Variants in LMAN2 observed in about 807,000 individuals in gnomAD.
LMAN2 encodes lectin, mannose binding 2.
LMAN2 carries 22 observed loss-of-function variants against 39.3 expected under a neutral mutation model. The observed-to-expected ratio is 0.56, with a 90% CI of 0.40 to 0.80. LMAN2 has a LOEUF of 0.80. LMAN2 is among the 30% of genes least tolerant of loss of function. The pLI, the probability that LMAN2 is intolerant of heterozygous loss-of-function variation, is 0.00. For synonymous variants in LMAN2, 207 were observed against 207.8 expected, an observed-to-expected ratio of 1.00 and a Z score of 0.03; for missense variants, 494 against 505.4, an observed-to-expected ratio of 0.98 and a Z score of 0.22.
chr5:177,335,233 C>T (rs536580843), intron 6 of LMAN2, among the ~76,000 whole-genome samples: 68 of 152,328 alleles, frequency 4.5e-4, no homozygotes, highest in African/African-American at 1.5e-3. Flanking sequence ...AGACGGCGAG[C>T]GGCCCTGCAG....
intron 2 of LMAN2, among the ~76,000 whole-genome samples, chr5:177,340,525 C>G (rs1761534918): frequency 6.6e-6 from 1 of 152,134 alleles, no homozygotes; most frequent in Admixed American, 6.5e-5. Flanking sequence ...CGCCTGTAAT[C>G]TCAGCACTTT....
At chr5:177,341,255 G>A (rs180868491) in intron 2 of LMAN2, among the ~76,000 whole-genome samples, 93 of 151,314 alleles carry the variant, frequency 6.1e-4, no homozygotes, top group Admixed American at 2.9e-3. Context: ...TAGTAGAGAC[G>A]GGGTTTCTCC....
chr5:177,335,605 G>T (rs1367325637), intron 6 of LMAN2, among the ~76,000 whole-genome samples: 2 of 152,220 alleles, frequency 1.3e-5, no homozygotes, highest in Admixed American at 6.5e-5. Flanking sequence ...GCAACCCGGG[G>T]CAGGAGGGAA....
chr5:177,343,114 G>A (rs1390812959), intron 2 of LMAN2, among the ~76,000 whole-genome samples: 1 of 152,062 alleles, frequency 6.6e-6, no homozygotes, highest in Non-Finnish European at 1.5e-5. Flanking sequence ...AATTAACTGG[G>A]CATGGTGGCA....
intron 2 of LMAN2, among the ~76,000 whole-genome samples, chr5:177,345,339 T>TAAAAAAAA (rs10639580): frequency 5.7e-5 from 3 of 52,412 alleles, no homozygotes; most frequent in Non-Finnish European, 1.1e-4. Flanking sequence ...AGACCCTGTC[T>TAAAAAAAA]AAAAAAAAAA....
intron 2 of LMAN2, among the ~76,000 whole-genome samples, chr5:177,340,960 T>C (rs1270428860): frequency 4.6e-5 from 7 of 151,746 alleles, no homozygotes; most frequent in Non-Finnish European, 1.0e-4. Flanking sequence ...TTTCACCGTG[T>C]TAGCCAGGAT....
intron 7 of LMAN2, among the ~76,000 whole-genome samples, chr5:177,333,387 G>A (rs1313711722): frequency 6.6e-6 from 1 of 152,266 alleles, no homozygotes; most frequent in Non-Finnish European, 1.5e-5. Flanking sequence ...GGGATGCTGG[G>A]TGGGCAAGGC....
Position 177,335,069 on chromosome 5 carries a change from C to T in LMAN2, c.791-666G>A, listed in dbSNP as rs561159427. Reference sequence around the variant, plus strand: ...TTGTAGAGATGAGGAGGCTGAGGCTCAAAGCCGACACGTGGGTCCTGGTCA... The same window carrying T: ...TTGTAGAGATGAGGAGGCTGAGGCTTAAAGCCGACACGTGGGTCCTGGTCA... On this transcript the variant is annotated intron_variant, in intron 6 of 7. Coordinates refer to ENST00000303127, the MANE Select transcript of LMAN2 (RefSeq NM_006816.3). Among the ~76,000 whole-genome samples, 7 of 152,328 alleles carry T rather than the reference C, an allele frequency of 4.6e-5. No homozygotes were observed. The South Asian group carries it at 8.3e-4, about 18-fold the overall frequency.
chr5:177,339,942 G>T (rs1561605071), intron 2 of LMAN2, among the ~76,000 whole-genome samples: 1 of 152,012 alleles, frequency 6.6e-6, no homozygotes, highest in Non-Finnish European at 1.5e-5. Flanking sequence ...ACAAAACCTA[G>T]GCCGAGTCCC....
chr5:177,337,849 A>C lies in LMAN2; in HGVS notation c.434-64T>G. ...AGGAGCCGTCCCATGGGTACCTAAA[A>C]GGCAAGCAATGCCAACATGGGTGGG... On this transcript the variant is annotated intron_variant, in intron 3 of 7. Coordinates refer to ENST00000303127, the MANE Select transcript of LMAN2 (RefSeq NM_006816.3). The surrounding 1 kb of genome is among the most constrained non-coding windows in gnomAD (Gnocchi z 8.2). 3 of 1,470,286 alleles carry C rather than the reference A, an allele frequency of 2.0e-6. No individual in the cohort carries two copies. The Admixed American group carries it at 5.5e-5, about 27-fold the overall frequency. The allele number at this position is 1,470,286 out of a possible 1,614,324, so 91.1% of individuals were successfully genotyped here.
intron 2 of LMAN2, among the ~76,000 whole-genome samples, chr5:177,348,691 A>G (rs1761675047): frequency 2.0e-5 from 3 of 147,280 alleles, no homozygotes; most frequent in African/African-American, 7.6e-5. Context: ...CTGTCTCAAA[A>G]AAAAAAAAAA....
Position 177,334,383 on chromosome 5 carries a change from T to G in LMAN2, c.811A>C (p.Met271Leu). The G allele has an allele frequency of 6.2e-7, 1 of 1,613,412 alleles. No individual in the cohort carries two copies. The highest frequency in any genetic ancestry group is 8.5e-7 in the Non-Finnish European group (1 of 1,179,912). ...TCCACCATCAGCTGGAACAGCTTCA[T>G]GGAGATGATGTCATGATTGTCTGCA... ...DLSDNHDIIS[M>L]KLFQLMVEHT... is the part of the protein sequence containing the mutation. Residue 271 changes from methionine to leucine, a missense_variant, in exon 7 of 8, where the codon ATG becomes CTG. By Grantham distance (15) the Met-to-Leu change is conservative. Coordinates refer to ENST00000303127, the MANE Select transcript of LMAN2 (RefSeq NM_006816.3).
intron 2 of LMAN2, 26 bp downstream of exon 2, chr5:177,351,147 C>T (rs766661294): frequency 8.1e-6 from 13 of 1,603,562 alleles, no homozygotes; most frequent in Middle Eastern, 1.6e-4. Context: ...CCGCACAGTA[C>T]GCCTATCCTC....
rs76135189 is a variant in LMAN2, at chr5:177,338,366, T to C, written c.433+122A>G. On this transcript the variant is annotated intron_variant, in intron 3 of 7. Transcript: ENST00000303127. ...TTATCCACGGGAGGCAGCACTTTCC[T>C]AACAGGAGAGGAGACGCTGGTCCCC... 1,346 of 746,076 alleles carry C rather than the reference T, an allele frequency of 1.8e-3. 10 individuals are homozygous for C. In the African/African-American group the frequency reaches 0.02, roughly 11 times the overall value. The allele number at this position is 746,076 out of a possible 1,614,324, so 46.2% of individuals were successfully genotyped here.
Position 177,337,580 on chromosome 5 carries a change from G to A in LMAN2, c.514-56C>T, listed in dbSNP as rs917693366. ...CAGCCCAGCCTGTGGGGCGAGCAGG[G>A]GCACCCACCACCCCAATCCCTGGAG... On this transcript the variant is annotated intron_variant, in intron 4 of 7. Transcript: ENST00000303127. The surrounding 1 kb of genome is among the most constrained non-coding windows in gnomAD (Gnocchi z 8.2). The A allele has an allele frequency of 3.7e-6, 6 of 1,608,298 alleles. No homozygotes were observed. The highest frequency in any genetic ancestry group is 5.1e-6 in the Non-Finnish European group (6 of 1,175,944).
Position 177,337,928 on chromosome 5 carries a change from G to A in LMAN2, c.434-143C>T. 1 of 697,820 alleles carries A rather than the reference G, an allele frequency of 1.4e-6. No individual in the cohort carries two copies. 43.2% of individuals were successfully genotyped at this position (697,820 alleles called of 1,614,324 possible). A position where few individuals can be genotyped will look rare whatever the true frequency, so the allele number is the denominator to read the frequency against. ...CACCGAGAGAGAAGGGATCGTGAAA[G>A]GAGAAAGCTGAGGCTTTCTCCTCAG... On this transcript the variant is annotated intron_variant, in intron 3 of 7. Transcript: ENST00000303127. The surrounding 1 kb of genome is among the most constrained non-coding windows in gnomAD (Gnocchi z 8.2).
intron 2 of LMAN2, chr5:177,346,099 C>T (rs916648446): frequency 6.5e-6 from 1 of 153,632 alleles, no homozygotes; most frequent in African/African-American, 2.4e-5. Context: ...CTGAAGAAAA[C>T]CTGCGGAGCC....
intron 2 of LMAN2, among the ~76,000 whole-genome samples, chr5:177,342,834 C>A (rs1057259219): frequency 1.1e-4 from 17 of 151,236 alleles, no homozygotes; most frequent in African/African-American, 3.6e-4. Context: ...ATAAATTGTA[C>A]TTCACTAAAA....
rs1021637871 is a variant in LMAN2 at position 177,344,471 on chromosome 5, G to A, written c.316-5866C>T. 6.6e-4 allele frequency among the ~76,000 whole-genome samples: 99 copies of A among 150,714 alleles called. 1 individual carries two copies. The highest frequency in any genetic ancestry group is 2.3e-3 in the African/African-American group (95 of 41,244). ...AATTAGTTGTATTTTTAGTAGAGAC[G>A]GGGTTTCACCATGTTGGCCAGGATG... On this transcript the variant is annotated intron_variant, in intron 2 of 7. Coordinates refer to ENST00000303127, the MANE Select transcript of LMAN2 (RefSeq NM_006816.3).
Sources: gnomAD v4.1 joint callset for allele counts (sites outside exome capture counted in the v4.1 genomes callset) on GRCh38, gnomAD v4.1.1 for gene constraint, Gnocchi (gnomAD v3.1) non-coding constraint, MANE v1.5 for transcripts, NCBI Gene and HGNC (gene_info 2026-07-23, HGNC 2026-07-21) for gene names.